The following TMEM117 variants were observed in gnomAD, a reference collection of about 807,000 sequenced individuals.
The protein encoded by TMEM117 is transmembrane protein 117.
In TMEM117, 27 loss-of-function variants were observed where a neutral mutation model predicts 52.4. That is an observed-to-expected ratio of 0.51 (90% confidence interval 0.38 to 0.71). The LOEUF (loss-of-function observed/expected upper bound fraction) is 0.71, where lower values mean the gene tolerates loss of function less well. Ranked by LOEUF, TMEM117 falls within the 30% of genes least tolerant of loss-of-function variation. TMEM117 has a pLI of 0.00. For synonymous variants in TMEM117, 215 were observed against 206.3 expected (o/e 1.04, Z -0.36); for missense variants, 556 against 630.5 (o/e 0.88, Z 1.26).
At chr12:44,275,777 G>A (rs1950504539) in intron 5 of TMEM117, among the ~76,000 whole-genome samples, 1 of 151,904 alleles carries the variant, frequency 6.6e-6, no homozygotes, top group Non-Finnish European at 1.5e-5. Flanking sequence ...ATAGAGAGTA[G>A]AAGGATGGTT....
chr12:44,292,201 T>A (rs1950713476), intron 5 of TMEM117, among the ~76,000 whole-genome samples: 1 of 151,996 alleles, frequency 6.6e-6, no homozygotes, highest in African/African-American at 2.4e-5. Context: ...ACTTGTATGT[T>A]TCTAGGAATT....
At chr12:44,173,275 T>TAAAAGAGACCA (rs1480539308) in intron 4 of TMEM117, among the ~76,000 whole-genome samples, 1 of 152,080 alleles carries the variant, frequency 6.6e-6, no homozygotes, top group African/African-American at 2.4e-5. Context: ...CAAGGTTTTA[T>TAAAAGAGACCA]CATGTTTCCC....
Position 43,879,248 on chromosome 12 carries a change from T to G in TMEM117, c.277+34320T>G, listed in dbSNP as rs1170444626. 2.6e-5 allele frequency among the ~76,000 whole-genome samples: 4 copies of G among 152,238 alleles called. No individual in the cohort carries two copies. The East Asian group carries it at 7.7e-4, about 29-fold the overall frequency. Reference sequence around the variant, plus strand: ...GTTAATGAATAAGGCAGATTTTATTTTATGTTTGCTAAAACTTTATCATCA... The same window carrying G: ...GTTAATGAATAAGGCAGATTTTATTGTATGTTTGCTAAAACTTTATCATCA... On this transcript the variant is annotated intron_variant, in intron 2 of 7. Coordinates refer to ENST00000266534, the MANE Select transcript of TMEM117 (RefSeq NM_032256.3).
chr12:44,157,031 G>A (rs1272802368), intron 4 of TMEM117, among the ~76,000 whole-genome samples: 4 of 152,098 alleles, frequency 2.6e-5, no homozygotes, highest in African/African-American at 9.7e-5. Context: ...CTTTGGCTCA[G>A]ATAATATTTA....
At chr12:43,990,640 T>C (rs1035018123) in intron 3 of TMEM117, among the ~76,000 whole-genome samples, 1 of 152,210 alleles carries the variant, frequency 6.6e-6, no homozygotes, top group African/African-American at 2.4e-5. Context: ...GGATCTTTCA[T>C]CCAAAGATCT....
chr12:44,394,196 T>G (rs1387483832), downstream of TMEM117, among the ~76,000 whole-genome samples: 1 of 152,236 alleles, frequency 6.6e-6, no homozygotes, highest in Admixed American at 6.5e-5. Flanking sequence ...CATGAAGATG[T>G]TTCCCTTGAC....
chr12:43,922,109 A>G (rs924531324), intron 2 of TMEM117, among the ~76,000 whole-genome samples: 1 of 152,106 alleles, frequency 6.6e-6, no homozygotes, highest in Non-Finnish European at 1.5e-5. Flanking sequence ...CTTGGATTTA[A>G]CTAGTGAGTC....
intron 2 of TMEM117, among the ~76,000 whole-genome samples, chr12:43,905,658 G>A (rs1944374453): frequency 6.6e-6 from 1 of 152,168 alleles, no homozygotes; most frequent in South Asian, 2.1e-4. Context: ...GAGAAGGATG[G>A]AGACTTATTT....
At chr12:43,822,086 C>T in the TMEM117 span, among the ~76,000 whole-genome samples, 1 of 152,008 alleles carries the variant, frequency 6.6e-6, no homozygotes, top group Non-Finnish European at 1.5e-5. Context: ...GACATGGAAC[C>T]GATATTCAAG....
chr12:43,893,582 T>G (rs1022750944), intron 2 of TMEM117, among the ~76,000 whole-genome samples: 1 of 152,216 alleles, frequency 6.6e-6, no homozygotes, highest in Non-Finnish European at 1.5e-5. Flanking sequence ...CCATGATTCA[T>G]TATATACTCA....
chr12:44,181,273 G>C (rs1216239839), intron 4 of TMEM117, among the ~76,000 whole-genome samples: 555 of 151,448 alleles, frequency 3.7e-3, no homozygotes, highest in Middle Eastern at 6.9e-3. Flanking sequence ...AGATGAGTAG[G>C]TTGCGAAAAT....
chr12:44,227,597 A>G (rs774723784), intron 5 of TMEM117, among the ~76,000 whole-genome samples: 51 of 152,246 alleles, frequency 3.3e-4, no homozygotes, highest in Non-Finnish European at 7.1e-4. Flanking sequence ...GGCAGAACAA[A>G]CTTTACTGAA....
intron 5 of TMEM117, among the ~76,000 whole-genome samples, chr12:44,252,648 A>G (rs73274124): frequency 0.02 from 2,990 of 152,304 alleles, 88 homozygotes; most frequent in African/African-American, 0.068. Context: ...GTCTTATAGA[A>G]TAGTTGTCTA....
chr12:44,201,284 A>T (rs1036634421), intron 4 of TMEM117, among the ~76,000 whole-genome samples: 2 of 152,186 alleles, frequency 1.3e-5, no homozygotes, highest in Non-Finnish European at 2.9e-5. Context: ...ATATTACTTG[A>T]CACACGCCAA....
intron 6 of TMEM117, among the ~76,000 whole-genome samples, chr12:44,353,771 G>A (rs1284505140): frequency 1.3e-5 from 2 of 152,130 alleles, no homozygotes; most frequent in Admixed American, 1.3e-4. Context: ...GATTGACTTG[G>A]CGATGTGGGC....
intron 3 of TMEM117, among the ~76,000 whole-genome samples, chr12:44,074,289 A>G (rs1947347715): frequency 6.6e-6 from 1 of 152,198 alleles, no homozygotes; most frequent in Non-Finnish European, 1.5e-5. Context: ...AGACTAAGAC[A>G]TTAAGTATCA....
chr12:44,323,469 A>T (rs1951158930), intron 6 of TMEM117, among the ~76,000 whole-genome samples: 1 of 152,130 alleles, frequency 6.6e-6, no homozygotes, highest in Non-Finnish European at 1.5e-5. Context: ...ATGCTTGATG[A>T]ATATTCATAT....
chr12:43,851,679 G>A (rs1943311034), intron 2 of TMEM117, among the ~76,000 whole-genome samples: 1 of 152,190 alleles, frequency 6.6e-6, no homozygotes, highest in Non-Finnish European at 1.5e-5. Flanking sequence ...TACAGTAGAA[G>A]TAGAAAATCA....
intron 3 of TMEM117, among the ~76,000 whole-genome samples, chr12:44,067,798 C>T (rs1323478437): frequency 6.6e-6 from 1 of 152,308 alleles, no homozygotes; most frequent in East Asian, 1.9e-4. Flanking sequence ...TCACCAACTA[C>T]CTTAGCCCCT....
Sources: allele counts gnomAD v4.1 joint callset (sites outside exome capture counted in the v4.1 genomes callset), GRCh38; gene constraint gnomAD v4.1.1; transcripts MANE v1.5; gene names NCBI Gene and HGNC (gene_info 2026-07-23, HGNC 2026-07-21).